CRACD: variants seen among roughly 807,000 people sequenced by gnomAD.
CRACD encodes the protein capping protein-inhibiting regulator of actin dynamics.
Under a neutral mutation model 106.8 loss-of-function variants are expected in CRACD, and 56 were observed. The observed-to-expected ratio is 0.52, with a 90% CI of 0.42 to 0.66. CRACD has a LOEUF of 0.66. CRACD is among the 30% of genes least tolerant of loss of function. CRACD has a pLI of 0.00. For synonymous variants in CRACD, 754 were observed against 670.8 expected, an observed-to-expected ratio of 1.12 and a Z score of -1.92; for missense variants, 1,730 against 1,623.2, an observed-to-expected ratio of 1.07 and a Z score of -1.13.
chr4:56,157,598 C>A (rs926053232), intron 1 of CRACD, among the ~76,000 whole-genome samples: 4 of 152,032 alleles, frequency 2.6e-5, no homozygotes, highest in African/African-American at 9.7e-5. Context: ...TAAAGAATCA[C>A]CTTCATGGAG....
At chr4:56,187,616 A>G (rs530853943) in intron 2 of CRACD, among the ~76,000 whole-genome samples, 169 of 152,178 alleles carry the variant, frequency 1.1e-3, no homozygotes, top group Non-Finnish European at 1.9e-3. Context: ...ACAACAAAAA[A>G]GCTATTGAAT....
intron 1 of CRACD, among the ~76,000 whole-genome samples, chr4:56,075,593 A>G (rs779033422): frequency 5.3e-5 from 8 of 152,146 alleles, no homozygotes; most frequent in Non-Finnish European, 8.8e-5. Context: ...AAAAGAAACC[A>G]TTAGCAATCG....
chr4:56,245,232 T>C (rs1257450057), intron 2 of CRACD, among the ~76,000 whole-genome samples: 1 of 152,206 alleles, frequency 6.6e-6, no homozygotes, highest in Non-Finnish European at 1.5e-5. Context: ...TTTCTCATAG[T>C]GGATAGGTAA....
chr4:56,222,665 G>A (rs983906904), intron 2 of CRACD, among the ~76,000 whole-genome samples: 2 of 152,138 alleles, frequency 1.3e-5, no homozygotes, highest in East Asian at 3.9e-4. Context: ...AAATTAAAGG[G>A]CCAGGCGTGG....
chr4:56,292,481 A>G (rs550451302), intron 3 of CRACD, among the ~76,000 whole-genome samples: 6 of 150,828 alleles, frequency 4.0e-5, no homozygotes, highest in East Asian at 1.9e-4. Context: ...GAAGCCTTCA[A>G]GAAGATCAGG....
intron 1 of CRACD, among the ~76,000 whole-genome samples, chr4:56,131,555 T>A (rs1032428020): frequency 6.6e-6 from 1 of 152,206 alleles, no homozygotes; most frequent in African/African-American, 2.4e-5. Context: ...TGGAGCTTTC[T>A]ATAGGGCCTG....
rs567838298 is a variant in CRACD, at chr4:56,242,462, T to C, written c.-188-29859T>C. On this transcript the variant is annotated intron_variant, in intron 2 of 10. Transcript: ENST00000682029. The stretch of plus-strand genomic sequence containing the variant: ...CCTACATAATAAAGAGAACAAGATA[T>C]AGACATGCAAGCTTTGGTGACACTA... 7.2e-5 allele frequency among the ~76,000 whole-genome samples: 11 copies of C among 152,208 alleles called. No homozygotes were observed. The East Asian group carries it at 2.1e-3, about 29-fold the overall frequency.
At chr4:56,220,003 G>T (rs1283673036) in intron 2 of CRACD, among the ~76,000 whole-genome samples, 1 of 152,106 alleles carries the variant, frequency 6.6e-6, no homozygotes, top group East Asian at 1.9e-4. Flanking sequence ...TTGGTTGAAA[G>T]AAATACAAGA....
chr4:56,238,236 C>G (rs1284020898), intron 2 of CRACD, among the ~76,000 whole-genome samples: 2 of 152,240 alleles, frequency 1.3e-5, no homozygotes, highest in African/African-American at 4.8e-5. Flanking sequence ...TCTGAAGGCT[C>G]TTTCACTCAC....
chr4:56,122,205 A>G (rs1734507847), intron 1 of CRACD, among the ~76,000 whole-genome samples: 1 of 151,916 alleles, frequency 6.6e-6, no homozygotes, highest in South Asian at 2.1e-4. Context: ...ATGTCCTTGT[A>G]TTGTGCAAGA....
chr4:56,328,490 C>T lies in CRACD; in HGVS notation c.*686C>T, dbSNP rs1181405279. ...ATACCCTCCTTAAGGACATGTGAAG[C>T]ATTTGGCCCAGTTGGCTCCCAGGGA... On this transcript the variant is annotated 3_prime_UTR_variant, in exon 11 of 11. Coordinates refer to ENST00000682029, the MANE Select transcript of CRACD (RefSeq NM_001393381.1). 1 of 473,034 alleles carries T rather than the reference C, an allele frequency of 2.1e-6. No homozygotes were observed. The highest frequency in any genetic ancestry group is 4.2e-6 in the Non-Finnish European group (1 of 238,138). 29.3% of individuals were successfully genotyped at this position (473,034 alleles called of 1,614,324 possible).
chr4:56,153,145 G>A (rs1303059177), intron 1 of CRACD, among the ~76,000 whole-genome samples: 1 of 152,104 alleles, frequency 6.6e-6, no homozygotes, highest in African/African-American at 2.4e-5. Context: ...TGGGCACGGT[G>A]GCACATGCCT....
At chr4:56,275,241 G>A (rs887980697) in intron 3 of CRACD, among the ~76,000 whole-genome samples, 6 of 152,056 alleles carry the variant, frequency 3.9e-5, no homozygotes, top group South Asian at 2.1e-4. Context: ...GTTTACCTAC[G>A]TAACAAACCT....
chr4:56,296,311 G>A (rs1744028825), intron 3 of CRACD, among the ~76,000 whole-genome samples: 1 of 151,966 alleles, frequency 6.6e-6, no homozygotes, highest in African/African-American at 2.4e-5. Context: ...ATGAGATAAT[G>A]AAAGTAAAAC....
At chr4:56,324,355 G>C in intron 10 of CRACD, 89 bp downstream of exon 10, 2 of 1,245,040 alleles carry the variant, frequency 1.6e-6, no homozygotes, top group Non-Finnish European at 2.2e-6. Flanking sequence ...ATGACTAGCA[G>C]AGCACCTCAG....
chr4:56,084,482 T>C (rs1009025807), intron 1 of CRACD, among the ~76,000 whole-genome samples: 1 of 152,208 alleles, frequency 6.6e-6, no homozygotes, highest in Non-Finnish European at 1.5e-5. Context: ...CATTCTAAAA[T>C]AATACTTTAT....
Position 56,314,947 on chromosome 4 carries a change from A to G in CRACD, c.1445A>G (p.Lys482Arg), listed in dbSNP as rs200597823. 3 of 1,595,714 alleles carry G rather than the reference A, an allele frequency of 1.9e-6. No individual in the cohort carries two copies. Among genetic ancestry groups the G allele is most frequent in the East Asian group, 2.3e-5 (1 of 44,364 alleles). The change falls in exon 8 of 11, where the codon AAG becomes AGG. Residue 482 changes from lysine to arginine, a missense_variant. By Grantham distance (26) the Lys-to-Arg change is conservative. Around this residue, in one of 5 missense-constraint regions of CRACD, gnomAD observed 1,620 missense variants for 1,481.6 expected, o/e 1.09. Transcript: ENST00000682029. This position sits in a 1 kb window ranked among gnomAD's most constrained non-coding sequence, Gnocchi z 4.4. ...QGADRPGPEE[K>R]REEGDTEPLL... ...GCCGATCGTCCTGGGCCCGAGGAAA[A>G]GAGAGAAGAAGGGGACACGGAGCCT...
rs145934359 is a variant in CRACD at position 56,075,538 on chromosome 4, C to T, written c.-336+26239C>T. Among the ~76,000 whole-genome samples, 677 of 152,166 alleles carry T rather than the reference C, an allele frequency of 4.4e-3. 8 individuals carry two copies. Among genetic ancestry groups the T allele is most frequent in the African/African-American group, 0.016 (647 of 41,502 alleles). ...TCTGTGGGATCAGTGGTAATATCCC[C>T]TTCATCATTTTTTATTGTGAATTCT... On this transcript the variant is annotated intron_variant, in intron 1 of 10. Coordinates refer to ENST00000682029, the MANE Select transcript of CRACD (RefSeq NM_001393381.1).
chr4:56,252,210 C>A (rs1469541287), intron 2 of CRACD, among the ~76,000 whole-genome samples: 1 of 152,132 alleles, frequency 6.6e-6, no homozygotes, highest in South Asian at 2.1e-4. Flanking sequence ...CTTATCTGGG[C>A]TTTACATACC....
Sources: allele counts gnomAD v4.1 joint callset (sites outside exome capture counted in the v4.1 genomes callset), GRCh38; gene constraint gnomAD v4.1.1; regional missense constraint gnomAD v4.1.1; non-coding constraint Gnocchi (gnomAD v3.1); transcripts MANE v1.5; gene names NCBI Gene and HGNC (gene_info 2026-07-23, HGNC 2026-07-21).